Variants in RPS5 observed in about 807,000 individuals in gnomAD.
The protein encoded by RPS5 is small ribosomal subunit protein uS7.
A neutral mutation model predicts 20.9 loss-of-function variants in RPS5; 2 were observed. The observed-to-expected ratio is 0.10, with a 90% CI of 0.04 to 0.30. The LOEUF (loss-of-function observed/expected upper bound fraction) is 0.30, where lower values mean the gene tolerates loss of function less well. RPS5 is among the 10% of genes least tolerant of loss of function. The probability of loss-of-function intolerance (pLI) is 1.00; values close to 1 mark genes in which losing one functional copy is unlikely to be tolerated. For synonymous variants in RPS5, 112 were observed against 105.8 expected, an observed-to-expected ratio of 1.06 and a Z score of -0.36; for missense variants, 122 against 287.2, an observed-to-expected ratio of 0.42 and a Z score of 4.16.
chr19:58,392,831 C>T, intron 2 of RPS5, 145 bp from the exon 3 acceptor site: 1 of 700,922 alleles, frequency 1.4e-6, no homozygotes, highest in Non-Finnish European at 2.4e-6. Context: ...GGGCTTACAT[C>T]CAAGTCCCCT....
chr19:58,390,589 C>T (rs1279712607), intron 2 of RPS5, among the ~76,000 whole-genome samples: 2 of 152,086 alleles, frequency 1.3e-5, no homozygotes, highest in Non-Finnish European at 2.9e-5. Flanking sequence ...GTGCATGCCA[C>T]CACACCTGGC....
At chr19:58,389,741 A>G (rs1011554518) in intron 2 of RPS5, among the ~76,000 whole-genome samples, 16 of 151,678 alleles carry the variant, frequency 1.1e-4, no homozygotes, top group East Asian at 1.9e-4. Context: ...GGTTCAAGCA[A>G]TGCTCCCGCC....
intron 1 of RPS5, chr19:58,387,800 C>G: frequency 3.2e-6 from 1 of 314,184 alleles, no homozygotes; most frequent in Non-Finnish European, 6.1e-6. Context: ...GGTCAAAGAC[C>G]ATGTAAATCG....
intron 2 of RPS5, 82 bp downstream of exon 2, chr19:58,388,327 C>T: frequency 2.1e-6 from 2 of 952,892 alleles, no homozygotes; most frequent in Non-Finnish European, 3.3e-6. Context: ...TGTTGCTGTG[C>T]CATTAAGTCA....
At chr19:58,390,243 G>C (rs2052354030) in intron 2 of RPS5, among the ~76,000 whole-genome samples, 1 of 149,906 alleles carries the variant, frequency 6.7e-6, no homozygotes, top group Admixed American at 6.6e-5. Context: ...TCCCAGGCTG[G>C]AGTGCAGTGG....
At chr19:58,387,943 A>G (rs2052337259) in intron 1 of RPS5, 194 bp from the exon 2 acceptor site, 1 of 587,472 alleles carries the variant, frequency 1.7e-6, no homozygotes, top group Non-Finnish European at 3.0e-6. Flanking sequence ...GTTCTAGGTG[A>G]AAGACAGATG....
chr19:58,393,231 C>T (rs1176969544), intron 3 of RPS5, 46 bp downstream of exon 3: 1 of 1,612,932 alleles, frequency 6.2e-7, no homozygotes. Context: ...CCTCAGTACA[C>T]CCGAAAGCCC....
chr19:58,390,617 G>A lies in RPS5; in HGVS notation c.109-2359G>A, dbSNP rs76415671. On this transcript the variant is annotated intron_variant, in intron 2 of 5. Coordinates refer to ENST00000196551, the MANE Select transcript of RPS5 (RefSeq NM_001009.4). ...CACCTGGCTAATTTTTGTCTTTTTA[G>A]TAGAGACAGGGTTTCACCATGTTGG... Among the ~76,000 whole-genome samples, 50 of 152,000 alleles carry A rather than the reference G, an allele frequency of 3.3e-4. 1 individual carries two copies. In the East Asian group the frequency reaches 9.5e-3, roughly 29 times the overall value.
At chr19:58,390,287 C>G (rs1162492151) in intron 2 of RPS5, among the ~76,000 whole-genome samples, 3 of 149,742 alleles carry the variant, frequency 2.0e-5, no homozygotes, top group Non-Finnish European at 4.4e-5. Flanking sequence ...TCTGCCTCCC[C>G]AGGGTCATGC....
chr19:58,388,632 C>A (rs889671823), intron 2 of RPS5: 1 of 296,702 alleles, frequency 3.4e-6, no homozygotes, highest in Non-Finnish European at 6.0e-6. Context: ...ATCAGCTGGC[C>A]GTAGTTTTTT....
At chr19:58,391,639 T>G (rs2052364665) in intron 2 of RPS5, among the ~76,000 whole-genome samples, 1 of 151,194 alleles carries the variant, frequency 6.6e-6, no homozygotes, top group African/African-American at 2.4e-5. Flanking sequence ...AACAAAAAAG[T>G]TCTCAGCCAG....
chr19:58,394,134 A>G (rs1023514366), intron 4 of RPS5: 5 of 218,040 alleles, frequency 2.3e-5, no homozygotes, highest in Non-Finnish European at 3.7e-5. Flanking sequence ...TTTTGTTTGT[A>G]GAGGTGGGGT....
At chr19:58,388,280 G>T in intron 2 of RPS5, 35 bp downstream of exon 2, 3 of 1,437,330 alleles carry the variant, frequency 2.1e-6, no homozygotes, top group Non-Finnish European at 2.9e-6. Flanking sequence ...TTCCTGGCTG[G>T]GGGCGGACAT....
rs759312572 is a variant in RPS5 at position 58,393,347 on chromosome 19, C to T, written c.319-12C>T. The T allele has an allele frequency of 6.2e-7, 1 of 1,613,362 alleles. No individual in the cohort carries two copies. Among genetic ancestry groups the T allele is most frequent in the Admixed American group, 1.7e-5 (1 of 60,010 alleles). On this transcript the variant is annotated splice_polypyrimidine_tract_variant and intron_variant, in intron 3 of 5. Coordinates refer to ENST00000196551, the MANE Select transcript of RPS5 (RefSeq NM_001009.4). ...GGGCTGGATGTCAGGCTCATATCCCCCTTCTCTCTAGAACCCTCTGCAGGT... is the reference window on the plus strand; with the variant it reads ...GGGCTGGATGTCAGGCTCATATCCCTCTTCTCTCTAGAACCCTCTGCAGGT...
rs1466483523 is a variant in RPS5, at chr19:58,394,729, T to G, written c.594T>G (p.Arg198=). ...YAIKKKDELE[R]VAKSNR is the part of the protein sequence containing the mutation. The stretch of plus-strand genomic sequence containing the variant: ...TTAAGAAGAAGGACGAGCTGGAGCG[T>G]GTGGCCAAGTCCAACCGCTGATTTT... The change falls in exon 6 of 6, where the codon CGT becomes CGG. Residue 198 remains arginine (R), a synonymous_variant. Coordinates refer to ENST00000196551, the MANE Select transcript of RPS5 (RefSeq NM_001009.4). The G allele has an allele frequency of 1.9e-6, 3 of 1,614,046 alleles. No homozygotes were observed. Among genetic ancestry groups the G allele is most frequent in the Non-Finnish European group, 2.5e-6 (3 of 1,180,012 alleles).
intron 3 of RPS5, 54 bp downstream of exon 3, chr19:58,393,239 C>T: frequency 6.2e-7 from 1 of 1,612,112 alleles, no homozygotes; most frequent in Non-Finnish European, 8.5e-7. Context: ...CACCCGAAAG[C>T]CCCACGGAGT....
chr19:58,394,277 C>T (rs1452290956), intron 4 of RPS5: 1 of 558,730 alleles, frequency 1.8e-6, no homozygotes, highest in Non-Finnish European at 3.2e-6. Context: ...AGGTCTCAAT[C>T]TCCTGTCACT....
chr19:58,387,971 A>C (rs1461033775), intron 1 of RPS5, 166 bp from the exon 2 acceptor site: 1 of 601,476 alleles, frequency 1.7e-6, no homozygotes, highest in Non-Finnish European at 3.0e-6. Context: ...CTGACAGCTG[A>C]GTAATTTTTC....
At chr19:58,393,531 G>A (rs964704801) in intron 4 of RPS5, 44 bp downstream of exon 4, 30 of 1,584,272 alleles carry the variant, frequency 1.9e-5, no homozygotes, top group Middle Eastern at 3.8e-4. Flanking sequence ...ACACAGCCAC[G>A]GGAGTGGGTG....
Sources: gnomAD v4.1 joint callset for allele counts (sites outside exome capture counted in the v4.1 genomes callset) on GRCh38, gnomAD v4.1.1 for gene constraint, MANE v1.5 for transcripts, NCBI Gene and HGNC (gene_info 2026-07-23, HGNC 2026-07-21) for gene names.